PHF21B: variants seen among roughly 807,000 people sequenced by gnomAD.
The protein encoded by PHF21B is PHD finger protein 21B.
In PHF21B, 22 loss-of-function variants were observed where a neutral mutation model predicts 62.2. The ratio of observed to expected loss-of-function variants is 0.35; its 90% CI spans 0.25 to 0.51. The LOEUF (loss-of-function observed/expected upper bound fraction) is 0.51. PHF21B is among the 20% of genes least tolerant of loss of function. The pLI, the probability that PHF21B is intolerant of heterozygous loss-of-function variation, is 0.97. For synonymous variants in PHF21B, 341 were observed against 314.7 expected (o/e 1.08, Z -0.88); for missense variants, 701 against 707.9 (o/e 0.99, Z 0.11).
intron 12 of PHF21B, among the ~76,000 whole-genome samples, chr22:44,884,749 GCAC>G (rs1157584490): frequency 1.1e-4 from 14 of 127,022 alleles, no homozygotes; most frequent in South Asian, 2.6e-4. Flanking sequence ...ACTGTGATCA[GCAC>G]CACCATCATT....
chr22:44,936,575 G>A (rs1358863768), intron 2 of PHF21B, among the ~76,000 whole-genome samples: 2 of 152,180 alleles, frequency 1.3e-5, no homozygotes, highest in Non-Finnish European at 1.5e-5. Context: ...GCTGAGACGG[G>A]TTTCAAGTGG....
intron 1 of PHF21B, chr22:45,008,856 G>A (rs1440927718): frequency 1.7e-6 from 2 of 1,178,706 alleles, no homozygotes; most frequent in Non-Finnish European, 2.1e-6. Flanking sequence ...CCACCCGGCG[G>A]CGCGCCCCGA....
chr22:44,966,254 C>T (rs940585542), intron 2 of PHF21B, among the ~76,000 whole-genome samples: 13 of 152,228 alleles, frequency 8.5e-5, no homozygotes, highest in African/African-American at 2.4e-4. Flanking sequence ...TCCCCAACCA[C>T]GCGACGAGCC....
At chr22:44,966,766 T>C (rs556430432) in intron 2 of PHF21B, among the ~76,000 whole-genome samples, 1 of 152,288 alleles carries the variant, frequency 6.6e-6, no homozygotes, top group East Asian at 1.9e-4. Flanking sequence ...GCGATGGCTT[T>C]GAAATCTGAG....
intron 2 of PHF21B, among the ~76,000 whole-genome samples, chr22:44,938,444 G>A (rs897395720): frequency 3.9e-5 from 6 of 152,246 alleles, no homozygotes; most frequent in Middle Eastern, 6.3e-3. Flanking sequence ...ATGTTGGCCA[G>A]GCTGGTATCA....
intron 2 of PHF21B, among the ~76,000 whole-genome samples, chr22:44,924,500 G>A (rs2071595406): frequency 6.6e-6 from 1 of 152,210 alleles, no homozygotes; most frequent in Non-Finnish European, 1.5e-5. Flanking sequence ...CCGGTCATGA[G>A]GGTGGAGCCC....
chr22:44,978,567 C>G (rs1293848391), intron 2 of PHF21B, among the ~76,000 whole-genome samples: 1 of 152,204 alleles, frequency 6.6e-6, no homozygotes, highest in Non-Finnish European at 1.5e-5. Context: ...CCATGTTGGT[C>G]AGGCTGGTCT....
chr22:44,995,452 G>C (rs2073104408), intron 2 of PHF21B, among the ~76,000 whole-genome samples: 1 of 152,168 alleles, frequency 6.6e-6, no homozygotes, highest in Non-Finnish European at 1.5e-5. Context: ...ATGCATTTGT[G>C]TTCCACTTAC....
At chr22:44,929,620 C>T (rs990763658) in intron 2 of PHF21B, among the ~76,000 whole-genome samples, 7 of 152,250 alleles carry the variant, frequency 4.6e-5, no homozygotes, top group Non-Finnish European at 1.0e-4. Context: ...ATTGCTCCCC[C>T]ACCTCCAAAG....
At chr22:44,974,241 C>T (rs912107302) in intron 2 of PHF21B, among the ~76,000 whole-genome samples, 3 of 152,132 alleles carry the variant, frequency 2.0e-5, no homozygotes, top group South Asian at 2.1e-4. Context: ...ATGGCGAAAC[C>T]CTGTCTCTAC....
At chr22:44,936,869 TC>T (rs375667308) in intron 2 of PHF21B, among the ~76,000 whole-genome samples, 53 of 63,400 alleles carry the variant, frequency 8.4e-4, no homozygotes, top group Non-Finnish European at 1.3e-3. Flanking sequence ...CCACTTTCTT[TC>T]TTTTTTTTTT....
At chr22:45,007,106 G>A (rs1358971748) in intron 2 of PHF21B, among the ~76,000 whole-genome samples, 4 of 151,176 alleles carry the variant, frequency 2.6e-5, no homozygotes, top group Non-Finnish European at 1.5e-5. Flanking sequence ...CCGGGGGCGG[G>A]GGGGCCGCGG....
At chr22:45,000,723 G>A (rs530011986) in intron 2 of PHF21B, 5 of 152,060 alleles carry the variant, frequency 3.3e-5, no homozygotes, top group African/African-American at 9.7e-5. Flanking sequence ...ACCTTTACGG[G>A]GGCAAAAAGC....
chr22:44,973,809 A>G (rs1429161549), intron 2 of PHF21B, among the ~76,000 whole-genome samples: 1 of 152,222 alleles, frequency 6.6e-6, no homozygotes, highest in Admixed American at 6.5e-5. Flanking sequence ...CCCAGAAGCT[A>G]TGCAACTAGC....
chr22:45,007,708 CGGGGAAGGGGCGGGTGTGCGAGTG>C (rs2073348748), intron 2 of PHF21B, among the ~76,000 whole-genome samples: 1 of 19,712 alleles, frequency 5.1e-5, no homozygotes, highest in African/African-American at 1.4e-4. Flanking sequence ...TGTGCGAGCG[CGGGGAAGGGGCGGGTGTGCGAGTG>C]CGGGGAGGGG....
chr22:44,928,621 G>A (rs1406260606), intron 2 of PHF21B, among the ~76,000 whole-genome samples: 4 of 152,170 alleles, frequency 2.6e-5, no homozygotes, highest in African/African-American at 7.2e-5. Flanking sequence ...TGTTGACTGG[G>A]CTGGTCTCGA....
intron 2 of PHF21B, among the ~76,000 whole-genome samples, chr22:45,005,855 TAAAC>T (rs1448165670): frequency 6.6e-6 from 1 of 152,214 alleles, no homozygotes; most frequent in Non-Finnish European, 1.5e-5. Context: ...TTGAGTTAAA[TAAAC>T]AAACTGTGAC....
chr22:44,925,155 AG>A (rs1440124371), intron 2 of PHF21B, among the ~76,000 whole-genome samples: 3 of 152,228 alleles, frequency 2.0e-5, no homozygotes, highest in Admixed American at 1.3e-4. Flanking sequence ...CAGGGACGAG[AG>A]GAAGGGATTA....
At chr22:44,970,291 C>T (rs1053028620) in intron 2 of PHF21B, among the ~76,000 whole-genome samples, 3 of 152,258 alleles carry the variant, frequency 2.0e-5, no homozygotes, top group Admixed American at 2.0e-4. Flanking sequence ...AGGGGGGAAT[C>T]TTTTCTGCAC....
Sources: allele counts gnomAD v4.1 joint callset (sites outside exome capture counted in the v4.1 genomes callset), GRCh38; gene constraint gnomAD v4.1.1; transcripts MANE v1.5; gene names NCBI Gene and HGNC (gene_info 2026-07-23, HGNC 2026-07-21).